Variants in SGCZ observed in about 807,000 individuals in gnomAD.
The protein encoded by SGCZ is sarcoglycan zeta.
In SGCZ, 40 loss-of-function variants were observed where a neutral mutation model predicts 41.3. The observed-to-expected ratio is 0.97, with a 90% CI of 0.75 to 1.26. The LOEUF (loss-of-function observed/expected upper bound fraction) is 1.26. SGCZ is among the 50% of genes most tolerant of loss of function. The probability of loss-of-function intolerance (pLI) is 0.00; values close to 1 mark genes in which losing one functional copy is unlikely to be tolerated. For missense variants in SGCZ, 552 were observed against 369.8 expected, an observed-to-expected ratio of 1.49 and a Z score of -4.04; for synonymous variants, 206 against 137.5, an observed-to-expected ratio of 1.50 and a Z score of -3.49.
intron 2 of SGCZ, among the ~76,000 whole-genome samples, chr8:14,385,916 A>G (rs1310851616): frequency 6.6e-6 from 1 of 152,196 alleles, no homozygotes; most frequent in Non-Finnish European, 1.5e-5. Flanking sequence ...ATTTGCAAAT[A>G]ACCTACACAT....
At chr8:14,866,331 T>C (rs1161852130) in intron 1 of SGCZ, among the ~76,000 whole-genome samples, 7 of 152,114 alleles carry the variant, frequency 4.6e-5, no homozygotes, top group Non-Finnish European at 8.8e-5. Context: ...CTACTACAGA[T>C]TAAAAGGTAA....
intron 2 of SGCZ, among the ~76,000 whole-genome samples, chr8:14,355,487 G>C (rs2117115989): frequency 6.6e-6 from 1 of 152,116 alleles, no homozygotes; most frequent in South Asian, 2.1e-4. Flanking sequence ...TGAATCTCTA[G>C]AGACATCATT....
At position 15,238,311 on chromosome 8, in the gene SGCZ, CGGAGAGAAAAAGAG is replaced by C. The variant is rs1246824047; in HGVS notation, c.-702_-689del. ...TTGAGGGAATAGGAGGTGGATCCAA[CGGAGAGAAAAAGAG>C]GGAGAGAAAGAGAGAGGGAGAGAAA... On this transcript the variant is annotated 5_prime_UTR_variant, in exon 1 of 8. Transcript: ENST00000382080. The C allele has an allele frequency of 1.3e-5, 2 of 152,142 alleles. No individual in the cohort carries two copies. Among genetic ancestry groups the C allele is most frequent in the Admixed American group, 6.6e-5 (1 of 15,260 alleles). 9.4% of individuals were successfully genotyped at this position (152,142 alleles called of 1,614,324 possible).
intron 3 of SGCZ, among the ~76,000 whole-genome samples, chr8:14,303,950 C>A (rs1190295824): frequency 6.6e-6 from 1 of 151,916 alleles, no homozygotes; most frequent in Admixed American, 6.6e-5. Flanking sequence ...TAGGGTTTCA[C>A]CACATTGGCC....
intron 1 of SGCZ, among the ~76,000 whole-genome samples, chr8:14,828,738 C>G (rs1802424731): frequency 6.6e-6 from 1 of 152,158 alleles, no homozygotes; most frequent in African/African-American, 2.4e-5. Context: ...CAAAGACCAA[C>G]AACATCTGCT....
intron 1 of SGCZ, among the ~76,000 whole-genome samples, chr8:14,849,001 T>C (rs78978169): frequency 0.031 from 4,658 of 152,176 alleles, 236 homozygotes; most frequent in African/African-American, 0.11. Context: ...AACAATTTAA[T>C]TAAAAATTTA....
At chr8:15,148,954 G>A (rs1799105351) in intron 1 of SGCZ, among the ~76,000 whole-genome samples, 1 of 152,194 alleles carries the variant, frequency 6.6e-6, no homozygotes, top group Admixed American at 6.5e-5. Flanking sequence ...GAAATCAGGA[G>A]TAAAAGCAAA....
chr8:14,897,065 AG>A (rs1805228139), intron 1 of SGCZ, among the ~76,000 whole-genome samples: 1 of 151,864 alleles, frequency 6.6e-6, no homozygotes, highest in South Asian at 2.1e-4. Context: ...TACAGGCGTG[AG>A]CCACCGTGCC....
At chr8:14,773,649 G>A (rs1025370272) in intron 1 of SGCZ, among the ~76,000 whole-genome samples, 22 of 152,098 alleles carry the variant, frequency 1.4e-4, no homozygotes, top group African/African-American at 5.3e-4. Context: ...CCTCTATATT[G>A]CCAACACTGC....
At chr8:14,657,159 G>A (rs1807603868) in intron 1 of SGCZ, among the ~76,000 whole-genome samples, 1 of 151,902 alleles carries the variant, frequency 6.6e-6, no homozygotes, top group South Asian at 2.1e-4. Flanking sequence ...TTCCTTTTGT[G>A]TTCAGTCTTC....
At chr8:14,388,551 T>C (rs1804652852) in intron 2 of SGCZ, among the ~76,000 whole-genome samples, 1 of 152,066 alleles carries the variant, frequency 6.6e-6, no homozygotes, top group Admixed American at 6.6e-5. Context: ...CAGCAACGAA[T>C]GAGTAAAATA....
intron 1 of SGCZ, among the ~76,000 whole-genome samples, chr8:15,062,815 C>T (rs1258632937): frequency 2.6e-5 from 4 of 152,102 alleles, no homozygotes; most frequent in African/African-American, 9.7e-5. Context: ...AATATCACTA[C>T]ATATGATTAA....
intron 1 of SGCZ, among the ~76,000 whole-genome samples, chr8:14,865,724 T>G (rs1803909024): frequency 6.6e-6 from 1 of 152,128 alleles, no homozygotes; most frequent in East Asian, 1.9e-4. Flanking sequence ...CAGGATAAAC[T>G]TCTAAAAGGA....
chr8:15,199,800 G>A (rs1281374037), intron 1 of SGCZ, among the ~76,000 whole-genome samples: 1 of 152,130 alleles, frequency 6.6e-6, no homozygotes. Flanking sequence ...TTATGGTTAT[G>A]AAACCTATAC....
intron 1 of SGCZ, among the ~76,000 whole-genome samples, chr8:14,874,875 C>A (rs1804290982): frequency 6.6e-6 from 1 of 152,134 alleles, no homozygotes; most frequent in South Asian, 2.1e-4. Context: ...CCACAATGCT[C>A]CTGTAAAGAC....
Position 14,149,667 on chromosome 8 carries a change from A to AC in SGCZ, c.547+14912_547+14913insG, listed in dbSNP as rs1486259781. Among the ~76,000 whole-genome samples, 6 of 151,608 alleles carry AC rather than the reference A, an allele frequency of 4.0e-5. No homozygotes were observed. The East Asian group carries it at 1.2e-3, about 29-fold the overall frequency. ...GACTTTCTTCATAGGAAAAAAAAAA[A>AC]AAACACAATCCTAAACTTTATATGA... On this transcript the variant is annotated intron_variant, in intron 5 of 7. Coordinates refer to ENST00000382080, the MANE Select transcript of SGCZ (RefSeq NM_139167.4).
At chr8:14,243,357 A>G (rs189053010) in intron 3 of SGCZ, among the ~76,000 whole-genome samples, 4 of 152,270 alleles carry the variant, frequency 2.6e-5, no homozygotes, top group Admixed American at 1.3e-4. Context: ...ATACTTCTTG[A>G]ATGCATCTTT....
intron 2 of SGCZ, among the ~76,000 whole-genome samples, chr8:14,424,027 G>A (rs1005981377): frequency 6.6e-5 from 10 of 152,164 alleles, no homozygotes; most frequent in African/African-American, 2.2e-4. Context: ...AGGAGTAATT[G>A]AAAGCTTCAA....
chr8:14,766,727 A>ATT (rs33955290), intron 1 of SGCZ, among the ~76,000 whole-genome samples: 9,284 of 92,766 alleles, frequency 0.1, 389 homozygotes, highest in African/African-American at 0.17. Flanking sequence ...ATGTCCAGCT[A>ATT]TTTTTTTTTT....
Sources: gnomAD v4.1 joint callset for allele counts (sites outside exome capture counted in the v4.1 genomes callset) on GRCh38, gnomAD v4.1.1 for gene constraint, MANE v1.5 for transcripts, NCBI Gene and HGNC (gene_info 2026-07-23, HGNC 2026-07-21) for gene names.